DPEP3: variants seen among roughly 807,000 people sequenced by gnomAD.
DPEP3 encodes dipeptidase 3.
In DPEP3, 42 loss-of-function variants were observed where a neutral mutation model predicts 47.5. The observed-to-expected ratio is 0.88, with a 90% CI of 0.69 to 1.14. The LOEUF (loss-of-function observed/expected upper bound fraction) is 1.14, where lower values mean the gene tolerates loss of function less well. Among genes scored for constraint, DPEP3 ranks in the 50% most tolerant of loss-of-function variants. The pLI is 0.00. For missense variants in DPEP3, 560 were observed against 635.0 expected, an observed-to-expected ratio of 0.88 and a Z score of 1.27; for synonymous variants, 276 against 270.2, an observed-to-expected ratio of 1.02 and a Z score of -0.21.
Position 67,980,138 on chromosome 16 carries a change from C to T in DPEP3, c.243G>A (p.Arg81=), listed in dbSNP as rs1287130303. The T allele has an allele frequency of 6.2e-7, 1 of 1,612,934 alleles. No homozygotes were observed. The highest frequency in any genetic ancestry group is 1.3e-5 in the African/African-American group (1 of 75,018). The change falls in exon 1 of 10, where the codon CGG becomes CGA. Residue 81 remains arginine (R), a synonymous_variant. Coordinates refer to ENST00000268793, the MANE Select transcript of DPEP3 (RefSeq NM_001370198.1). Reference sequence around the variant, plus strand: ...TCCGCATCAGGGCCTGCGCGCGACCCCGAAGGTCCAGGGTTTTGGGGGTGC... The same window carrying T: ...TCCGCATCAGGGCCTGCGCGCGACCTCGAAGGTCCAGGGTTTTGGGGGTGC... ...TPGTPKTLDL[R]GRAQALMRSF... is the part of the protein sequence containing the mutation.
chr16:67,980,121 A>G lies in DPEP3; in HGVS notation c.260T>C (p.Leu87Pro), dbSNP rs2031290413. 1.2e-6 allele frequency: 2 copies of G among 1,612,410 alleles called. No homozygotes were observed. The highest frequency in any genetic ancestry group is 1.1e-5 in the South Asian group (1 of 90,866). Reference sequence around the variant, plus strand: ...GTCCACGAGTGGGAAACTCCGCATCAGGGCCTGCGCGCGACCCCGAAGGTC... The same window carrying G: ...GTCCACGAGTGGGAAACTCCGCATCGGGGCCTGCGCGCGACCCCGAAGGTC... ...TLDLRGRAQALMRSFPLVDGH... is the reference protein window; with the variant it reads ...TLDLRGRAQAPMRSFPLVDGH... Residue 87 changes from leucine (L) to proline (P), a missense_variant, in exon 1 of 10, where the codon CTG (leucine) becomes CCG (proline). By Grantham distance (98) the Leu-to-Pro change is moderately conservative. Coordinates refer to ENST00000268793, the MANE Select transcript of DPEP3 (RefSeq NM_001370198.1).
chr16:67,979,884 C>T (rs2031285395), intron 1 of DPEP3, 119 bp from the exon 2 acceptor site: 1 of 1,471,260 alleles, frequency 6.8e-7, no homozygotes, highest in Non-Finnish European at 9.1e-7. Context: ...ATATAGAGAC[C>T]TCCTGAGGTT....
In DPEP3 at chr16:67,980,434, C is replaced by T; in HGVS notation, c.-54G>A. 1 of 1,475,424 alleles carries T rather than the reference C, an allele frequency of 6.8e-7. No homozygotes were observed. The highest frequency in any genetic ancestry group is 9.0e-7 in the Non-Finnish European group (1 of 1,113,940). The allele number at this position is 1,475,424 out of a possible 1,614,324, so 91.4% of individuals were successfully genotyped here. On this transcript the variant is annotated 5_prime_UTR_variant, in exon 1 of 10. Transcript: ENST00000268793. The stretch of plus-strand genomic sequence containing the variant: ...GGGAGGAGCAGGCGATGGGCAGAGG[C>T]CGACAATGGGGTCCGGATCATGACG...
chr16:67,979,946 G>A, intron 1 of DPEP3, 148 bp downstream of exon 1: 1 of 1,355,654 alleles, frequency 7.4e-7, no homozygotes, highest in South Asian at 1.5e-5. Flanking sequence ...ATGCGGGGAA[G>A]GGCACCCATG....
chr16:67,976,600 T>C (rs2031200067), intron 8 of DPEP3, 100 bp downstream of exon 8: 2 of 1,140,814 alleles, frequency 1.8e-6, no homozygotes, highest in Non-Finnish European at 2.6e-6. Context: ...GACCAGAGCC[T>C]GTGGCTGAGG....
chr16:67,976,665 C>T lies in DPEP3; in HGVS notation c.1094+35G>A, dbSNP rs201393770. 3.4e-5 allele frequency: 55 copies of T among 1,605,178 alleles called. No individual in the cohort carries two copies. In the Admixed American group the frequency reaches 5.7e-4, roughly 17 times the overall value. On this transcript the variant is annotated intron_variant, in intron 8 of 9. Transcript: ENST00000268793. ...GAAGACTAAAGGACTCCCTGCTGCA[C>T]CCCAGCCTAAGAGAAACCTCAGGGA...
chr16:67,978,420 TAG>T lies in DPEP3; in HGVS notation c.545-14_545-13del, dbSNP rs773415512. On this transcript the variant is annotated splice_polypyrimidine_tract_variant and intron_variant, in intron 3 of 9. Coordinates refer to ENST00000268793, the MANE Select transcript of DPEP3 (RefSeq NM_001370198.1). The surrounding 1 kb of genome is among the most constrained non-coding windows in gnomAD (Gnocchi z 4.4). ...AGAGCTGTTCAGACCTAGAAGGAGG[TAG>T]AGAGTCAAGTGGTTAGATCCCAGGA... The T allele has an allele frequency of 5.0e-6, 8 of 1,613,454 alleles. No individual in the cohort carries two copies. The highest frequency in any genetic ancestry group is 2.2e-5 in the East Asian group (1 of 44,884).
In DPEP3 at chr16:67,980,328, C is replaced by A; in HGVS notation, c.53G>T (p.Arg18Leu). The A allele has an allele frequency of 6.4e-7, 1 of 1,554,504 alleles. No homozygotes were observed. Among genetic ancestry groups the A allele is most frequent in the Non-Finnish European group, 8.7e-7 (1 of 1,150,560 alleles). ...CAGCAGTAGCAGGAGCAGCAGACGC[C>A]GCAGATACCGCCGGCTGAGCGCGCG... ...GSRALSRRYL[R>L]RLLLLLLLLL... Residue 18 changes from arginine (R) to leucine (L), a missense_variant, in exon 1 of 10, where the codon CGG (arginine) becomes CTG (leucine). Coordinates refer to ENST00000268793, the MANE Select transcript of DPEP3 (RefSeq NM_001370198.1).
In DPEP3 at chr16:67,977,707, G is replaced by A; in HGVS notation, c.879C>T (p.Ala293=). The A allele has an allele frequency of 6.2e-7, 1 of 1,612,980 alleles. No individual in the cohort carries two copies. The highest frequency in any genetic ancestry group is 8.5e-7 in the Non-Finnish European group (1 of 1,179,410). Residue 293 remains alanine (A), a synonymous_variant, in exon 6 of 10, where the codon GCC becomes GCT. Transcript: ENST00000268793. The part of the protein sequence containing the change: ...QAPVIFSHSA[A]RAVCDNLLNV... ...TCAACAAATTGTCACACACAGCTCT[G>A]GCAGCTGAGTGGGAGAAGATCACAG... is the stretch of plus-strand genomic sequence containing the variant.
intron 8 of DPEP3, among the ~76,000 whole-genome samples, 196 bp downstream of exon 8, chr16:67,976,503 CT>C (rs556297129): frequency 3.3e-5 from 5 of 152,292 alleles, no homozygotes. Flanking sequence ...AGTATGACAA[CT>C]TGGAGTGGGG....
chr16:67,975,730 C>T lies in DPEP3; in HGVS notation c.*35G>A, dbSNP rs770563889. 2.5e-6 allele frequency: 4 copies of T among 1,576,912 alleles called. No individual in the cohort carries two copies. Among genetic ancestry groups the T allele is most frequent in the South Asian group, 1.1e-5 (1 of 87,488 alleles). On this transcript the variant is annotated 3_prime_UTR_variant, in exon 10 of 10. Coordinates refer to ENST00000268793, the MANE Select transcript of DPEP3 (RefSeq NM_001370198.1). ...AACTAGGAGAGGGGGCTTTGTGAGG[C>T]TTTGCCACAGTGACCTCTGCGGGGA...
In DPEP3 at chr16:67,975,839, T is replaced by G; in HGVS notation, c.1393A>C (p.Asn465His). 1 of 1,613,862 alleles carries G rather than the reference T, an allele frequency of 6.2e-7. No homozygotes were observed. Among genetic ancestry groups the G allele is most frequent in the Non-Finnish European group, 8.5e-7 (1 of 1,179,844 alleles). ...CCTGGAACAAGGTATGGGGAGGCAT[T>G]TGAGGACCTCCAGGGGACCCGATTG... ...PTNRVPWRSS[N>H]ASPYLVPGLV... Residue 465 changes from asparagine to histidine, a missense_variant, in exon 10 of 10, where the codon AAT becomes CAT. Physicochemically the swap from Asn to His is moderately conservative, Grantham distance 68. Transcript: ENST00000268793.
Position 67,976,010 on chromosome 16 carries a change from G to A in DPEP3, c.1231-9C>T. On this transcript the variant is annotated splice_polypyrimidine_tract_variant and intron_variant, in intron 9 of 9. Coordinates refer to ENST00000268793, the MANE Select transcript of DPEP3 (RefSeq NM_001370198.1). ...CTGCTCTCCTCTCTCACCTGGGGGAGGAAGTCCGCAGTCAGAGGCTCCCAC... is the reference window on the plus strand; with the variant it reads ...CTGCTCTCCTCTCTCACCTGGGGGAAGAAGTCCGCAGTCAGAGGCTCCCAC... The A allele has an allele frequency of 6.2e-7, 1 of 1,613,586 alleles. No homozygotes were observed.
At position 67,976,164 on chromosome 16, in the gene DPEP3, T is replaced by G. The variant is rs769997470; in HGVS notation, c.1159A>C (p.Ser387Arg). 6.2e-7 allele frequency: 1 copy of G among 1,614,222 alleles called. No homozygotes were observed. The highest frequency in any genetic ancestry group is 2.2e-5 in the East Asian group (1 of 44,888). The change falls in exon 9 of 10, where the codon AGC becomes CGC. Residue 387 changes from serine (S) to arginine (R), a missense_variant. Ser to Arg is a moderately radical substitution (Grantham distance 110). Coordinates refer to ENST00000268793, the MANE Select transcript of DPEP3 (RefSeq NM_001370198.1). ...PVLIEELLSR[S>R]WSEEELQGVL... ...CCTTGAAGCTCTTCCTCGCTCCAGC[T>G]ACGACTCAGCAACTCCTCTATCAGG...
At position 67,975,760 on chromosome 16, in the gene DPEP3, CTG is replaced by C. The variant is rs776884048; in HGVS notation, c.*3_*4del. 8.7e-6 allele frequency: 14 copies of C among 1,610,384 alleles called. No individual in the cohort carries two copies. The South Asian group carries it at 1.2e-4, about 14-fold the overall frequency. On this transcript the variant is annotated 3_prime_UTR_variant, in exon 10 of 10. Coordinates refer to ENST00000268793, the MANE Select transcript of DPEP3 (RefSeq NM_001370198.1). ...CCACAGTGACCTCTGCGGGGACCGA[CTG>C]TGTCAGCAGAGCCACTGGGTGAAGG...
intron 6 of DPEP3, 77 bp downstream of exon 6, chr16:67,977,576 G>A (rs1395552779): frequency 6.7e-7 from 1 of 1,502,720 alleles, no homozygotes; most frequent in Non-Finnish European, 9.0e-7. Flanking sequence ...GTGAAACCTG[G>A]GCTGGTGGCT....
At chr16:67,980,052 G>C in intron 1 of DPEP3, 42 bp downstream of exon 1, 2 of 1,573,140 alleles carry the variant, frequency 1.3e-6, no homozygotes, top group Non-Finnish European at 1.7e-6. Context: ...CCTGCCCAAG[G>C]GTGTGCTCAC....
At chr16:67,979,022 C>T (rs770076464) in intron 2 of DPEP3, among the ~76,000 whole-genome samples, 18 of 152,256 alleles carry the variant, frequency 1.2e-4, no homozygotes, top group East Asian at 3.9e-4. Context: ...ATTACTGTTA[C>T]GGCCAGGCCA....
At chr16:67,979,808 G>T in intron 1 of DPEP3, 43 bp from the exon 2 acceptor site, 1 of 1,610,364 alleles carries the variant, frequency 6.2e-7, no homozygotes, top group Non-Finnish European at 8.5e-7. Flanking sequence ...CTCCAGATCA[G>T]TCAGGATATA....
Sources: allele counts gnomAD v4.1 joint callset (sites outside exome capture counted in the v4.1 genomes callset), GRCh38; gene constraint gnomAD v4.1.1; non-coding constraint Gnocchi (gnomAD v3.1); transcripts MANE v1.5; gene names NCBI Gene and HGNC (gene_info 2026-07-23, HGNC 2026-07-21).